Variants in LRP6 observed in about 807,000 individuals in gnomAD.
The protein encoded by LRP6 is LDL receptor related protein 6.
A neutral mutation model predicts 184.1 loss-of-function variants in LRP6; 43 were observed. The ratio of observed to expected loss-of-function variants is 0.23; its 90% CI spans 0.18 to 0.30. LRP6 has a LOEUF of 0.30. LRP6 is among the 10% of genes least tolerant of loss of function. The probability of loss-of-function intolerance (pLI) is 1.00; values close to 1 mark genes in which losing one functional copy is unlikely to be tolerated. For missense variants in LRP6, 1,571 were observed against 2,005.3 expected (o/e 0.78, Z 4.14); for synonymous variants, 719 against 684.9 (o/e 1.05, Z -0.78).
chr12:12,235,742 G>GA (rs1024834183), intron 2 of LRP6, among the ~76,000 whole-genome samples: 3 of 150,322 alleles, frequency 2.0e-5, no homozygotes, highest in African/African-American at 7.3e-5. Context: ...AAAAAAAAAA[G>GA]AAAAAGAAAA....
At chr12:12,127,022 C>A in intron 19 of LRP6, 101 bp from the exon 20 acceptor site, 2 of 953,988 alleles carry the variant, frequency 2.1e-6, no homozygotes, top group Non-Finnish European at 3.3e-6. Context: ...AAGCTATAAG[C>A]CTAATGAAGA....
intron 2 of LRP6, among the ~76,000 whole-genome samples, chr12:12,220,061 C>A (rs577084026): frequency 6.6e-6 from 1 of 152,068 alleles, no homozygotes; most frequent in South Asian, 2.1e-4. Flanking sequence ...CTGAGGCGGG[C>A]GGATCACCTG....
At chr12:12,183,905 C>G in intron 5 of LRP6, 75 bp downstream of exon 5, 1 of 1,365,786 alleles carries the variant, frequency 7.3e-7, no homozygotes, top group South Asian at 1.2e-5. Context: ...ACCTAGAGAG[C>G]TGATTATAGA....
chr12:12,131,702 T>C, intron 18 of LRP6, 119 bp downstream of exon 18: 1 of 807,078 alleles, frequency 1.2e-6, no homozygotes, highest in Non-Finnish European at 2.2e-6. Context: ...TGATCAGAAG[T>C]GATACAGTCA....
Position 12,181,435 on chromosome 12 carries a change from G to A in LRP6, c.981C>T (p.Ala327=). 2 of 1,183,274 alleles carry A rather than the reference G, an allele frequency of 1.7e-6. No homozygotes were observed. The highest frequency in any genetic ancestry group is 2.5e-6 in the Non-Finnish European group (2 of 789,994). 73.3% of individuals were successfully genotyped at this position (1,183,274 alleles called of 1,614,324 possible). A position where few individuals can be genotyped will look rare whatever the true frequency, so the allele number is the denominator to read the frequency against. Residue 327 remains alanine, a synonymous_variant, in exon 6 of 23, where the codon GCC becomes GCT. Transcript: ENST00000261349. ...LENGKTCKDG[A]TELLLLARRT... ...TTCGAGCTAAAAGCAATAATTCTGT[G>A]GCACCTAGAACAACAAAGTGAAATG...
chr12:12,137,537 G>A (rs1356461900), intron 16 of LRP6, among the ~76,000 whole-genome samples: 1 of 152,050 alleles, frequency 6.6e-6, no homozygotes, highest in Non-Finnish European at 1.5e-5. Flanking sequence ...TAATTAAACA[G>A]AGTCTTCTCT....
At chr12:12,252,510 G>A (rs1865348370) in intron 1 of LRP6, among the ~76,000 whole-genome samples, 1 of 152,160 alleles carries the variant, frequency 6.6e-6, no homozygotes, top group African/African-American at 2.4e-5. Flanking sequence ...GGGATATTTT[G>A]GAAGTTCTAT....
At chr12:12,196,540 T>C (rs1427718939) in intron 3 of LRP6, among the ~76,000 whole-genome samples, 2 of 152,202 alleles carry the variant, frequency 1.3e-5, no homozygotes, top group Non-Finnish European at 2.9e-5. Flanking sequence ...TCTTTTTGTG[T>C]TGATTTTGTA....
intron 12 of LRP6, among the ~76,000 whole-genome samples, chr12:12,158,619 A>G (rs1591897797): frequency 6.6e-6 from 1 of 152,200 alleles, no homozygotes; most frequent in East Asian, 1.9e-4. Flanking sequence ...ACAATGGACC[A>G]GCATAAGACT....
intron 1 of LRP6, among the ~76,000 whole-genome samples, chr12:12,248,262 G>A (rs1865236014): frequency 6.6e-6 from 1 of 151,866 alleles, no homozygotes; most frequent in Non-Finnish European, 1.5e-5. Context: ...CCTTGCTATT[G>A]TTTTGTTTTA....
chr12:12,191,241 C>T (rs1012297265), intron 3 of LRP6, among the ~76,000 whole-genome samples: 1 of 152,102 alleles, frequency 6.6e-6, no homozygotes. Flanking sequence ...TTGTCCTTCC[C>T]GGGCTCCCTT....
At chr12:12,186,776 A>G (rs1275600747) in intron 4 of LRP6, 147 bp downstream of exon 4, 3 of 745,500 alleles carry the variant, frequency 4.0e-6, no homozygotes, top group Non-Finnish European at 6.9e-6. Flanking sequence ...CTCTTGCCTC[A>G]GCCTCCCAAG....
intron 1 of LRP6, 134 bp downstream of exon 1, chr12:12,266,547 C>T (rs941400946): frequency 1.2e-6 from 1 of 806,966 alleles, no homozygotes; most frequent in Non-Finnish European, 2.0e-6. Flanking sequence ...TTCTCTCCCC[C>T]TCCCCACGAC....
intron 4 of LRP6, among the ~76,000 whole-genome samples, chr12:12,184,856 G>A (rs1863430940): frequency 6.6e-6 from 1 of 152,140 alleles, no homozygotes; most frequent in Non-Finnish European, 1.5e-5. Context: ...ATTATGGAAA[G>A]GGATATGTCC....
chr12:12,238,679 G>T (rs978087537), intron 2 of LRP6, among the ~76,000 whole-genome samples: 11 of 152,028 alleles, frequency 7.2e-5, no homozygotes, highest in African/African-American at 2.7e-4. Flanking sequence ...TTTCAAGAAT[G>T]AGGGCAAAAT....
At chr12:12,190,600 C>G (rs186416253) in intron 3 of LRP6, among the ~76,000 whole-genome samples, 1 of 152,204 alleles carries the variant, frequency 6.6e-6, no homozygotes, top group Non-Finnish European at 1.5e-5. Context: ...AAACTCTGCA[C>G]CAACTGGACT....
intron 2 of LRP6, among the ~76,000 whole-genome samples, chr12:12,206,358 C>T (rs752787749): frequency 1.3e-5 from 2 of 151,756 alleles, no homozygotes; most frequent in African/African-American, 2.4e-5. Context: ...CTGGCTAACA[C>T]GGTGAAACCC....
intron 7 of LRP6, among the ~76,000 whole-genome samples, chr12:12,177,839 A>G (rs1032629261): frequency 6.6e-6 from 1 of 152,166 alleles, no homozygotes; most frequent in Non-Finnish European, 1.5e-5. Flanking sequence ...TGGATCTAAA[A>G]ATAAGATTTA....
chr12:12,162,654 C>T (rs902412235), intron 9 of LRP6, among the ~76,000 whole-genome samples: 11 of 152,114 alleles, frequency 7.2e-5, no homozygotes, highest in African/African-American at 1.7e-4. Context: ...AACTCTAATG[C>T]ACCAAAAATT....
Sources: allele counts gnomAD v4.1 joint callset (sites outside exome capture counted in the v4.1 genomes callset), GRCh38; gene constraint gnomAD v4.1.1; transcripts MANE v1.5; gene names NCBI Gene and HGNC (gene_info 2026-07-23, HGNC 2026-07-21).